Variants in LRRC36 observed in about 807,000 individuals in gnomAD.
LRRC36 encodes the protein leucine-rich repeat-containing protein 36.
Under a neutral mutation model 81.1 loss-of-function variants are expected in LRRC36, and 62 were observed. The ratio of observed to expected loss-of-function variants is 0.76; its 90% confidence interval spans 0.62 to 0.94. LRRC36 has a LOEUF of 0.94. Among genes scored for constraint, LRRC36 ranks in the 40% least tolerant of loss-of-function variants. The pLI is 0.00. For synonymous variants in LRRC36, 334 were observed against 348.6 expected, an observed-to-expected ratio of 0.96 and a Z score of 0.47; for missense variants, 761 against 881.7, an observed-to-expected ratio of 0.86 and a Z score of 1.73.
At position 67,382,143 on chromosome 16, in the gene LRRC36, G is replaced by A. The variant is rs1411032637; in HGVS notation, c.1941G>A (p.Leu647=). ...GQQSHTYDDL[L]HKNQQLTMQV... ...CTGTGCCCTTTGTAGATGATCTTCT[G>A]CACAAAAACCAACAGCTGACCATGC... is the stretch of plus-strand genomic sequence containing the variant. The change falls in exon 13 of 14, where the codon CTG becomes CTA. Residue 647 remains leucine (L), a synonymous_variant. Coordinates refer to ENST00000329956, the MANE Select transcript of LRRC36 (RefSeq NM_018296.6). 1.2e-6 allele frequency: 2 copies of A among 1,612,854 alleles called. No individual in the cohort carries two copies. Among genetic ancestry groups the A allele is most frequent in the Non-Finnish European group, 1.7e-6 (2 of 1,179,038 alleles).
chr16:67,361,992 A>G (rs1006917229), intron 5 of LRRC36, among the ~76,000 whole-genome samples: 7 of 152,142 alleles, frequency 4.6e-5, no homozygotes, highest in Non-Finnish European at 1.0e-4. Flanking sequence ...ACACTTTAGG[A>G]AGCCAAGGCT....
intron 2 of LRRC36, among the ~76,000 whole-genome samples, chr16:67,345,276 TGCACTCCA>T (rs1413296679): frequency 6.7e-6 from 1 of 149,214 alleles, no homozygotes; most frequent in African/African-American, 2.5e-5. Flanking sequence ...ATCGTACCAC[TGCACTCCA>T]GCCTGGGCGA....
At chr16:67,347,444 A>G in intron 3 of LRRC36, 51 bp from the exon 4 acceptor site, 3 of 1,607,980 alleles carry the variant, frequency 1.9e-6, no homozygotes, top group Non-Finnish European at 2.6e-6. Flanking sequence ...ACTACTAGTT[A>G]TGTCTATGCC....
chr16:67,334,636 C>T (rs2037669578), intron 1 of LRRC36, among the ~76,000 whole-genome samples: 1 of 152,068 alleles, frequency 6.6e-6, no homozygotes, highest in Non-Finnish European at 1.5e-5. Context: ...GTCGTGTCCA[C>T]CATTATAATA....
chr16:67,327,001 G>A, intron 1 of LRRC36, 69 bp downstream of exon 1: 1 of 1,398,440 alleles, frequency 7.2e-7, no homozygotes, highest in South Asian at 1.5e-5. Context: ...AAACTGAAGT[G>A]GAAGGCGGGG....
chr16:67,341,477 T>G, intron 1 of LRRC36, among the ~76,000 whole-genome samples: 1 of 151,780 alleles, frequency 6.6e-6, no homozygotes, highest in South Asian at 2.1e-4. Context: ...TAGTATATTG[T>G]CTTTCGTATC....
chr16:67,353,363 TTTTTA>T (rs1597459082), intron 5 of LRRC36, among the ~76,000 whole-genome samples: 1 of 152,068 alleles, frequency 6.6e-6, no homozygotes, highest in East Asian at 1.9e-4. Flanking sequence ...TCCATTTCTT[TTTTTA>T]TTTTTTGTTT....
At chr16:67,351,021 A>G (rs2038605802) in intron 5 of LRRC36, among the ~76,000 whole-genome samples, 1 of 152,168 alleles carries the variant, frequency 6.6e-6, no homozygotes, top group African/African-American at 2.4e-5. Context: ...CTAGGCAACA[A>G]AAGTGAAACT....
chr16:67,351,897 T>C lies in LRRC36; in HGVS notation c.577+1607T>C, dbSNP rs576776095. 5.9e-5 allele frequency among the ~76,000 whole-genome samples: 9 copies of C among 152,308 alleles called. No individual in the cohort carries two copies. In the South Asian group the frequency reaches 1.9e-3, roughly 32 times the overall value. Reference sequence around the variant, plus strand: ...AGACTGAAAAGCATGAAAAACAACATTTTGGTCCTAGTTAATGCTTTGGTA... The same window carrying C: ...AGACTGAAAAGCATGAAAAACAACACTTTGGTCCTAGTTAATGCTTTGGTA... On this transcript the variant is annotated intron_variant, in intron 5 of 13. Transcript: ENST00000329956.
chr16:67,380,673 C>T (rs2040074027), intron 12 of LRRC36, among the ~76,000 whole-genome samples: 1 of 152,226 alleles, frequency 6.6e-6, no homozygotes, highest in African/African-American at 2.4e-5. Flanking sequence ...TCTCCACTTA[C>T]CTACTTTGAA....
At chr16:67,338,246 C>A (rs2142605392) in intron 1 of LRRC36, among the ~76,000 whole-genome samples, 1 of 152,058 alleles carries the variant, frequency 6.6e-6, no homozygotes, top group South Asian at 2.1e-4. Context: ...ATAAATATTT[C>A]TATGAAAAAT....
chr16:67,368,712 G>A (rs1252151835), intron 8 of LRRC36, among the ~76,000 whole-genome samples: 1 of 152,176 alleles, frequency 6.6e-6, no homozygotes, highest in African/African-American at 2.4e-5. Context: ...AGACTATGGG[G>A]AGGAGGGTAG....
chr16:67,353,205 A>G (rs948509195), intron 5 of LRRC36, among the ~76,000 whole-genome samples: 7 of 151,938 alleles, frequency 4.6e-5, no homozygotes, highest in African/African-American at 1.7e-4. Flanking sequence ...CCTCTCCCTC[A>G]ACCCTAAACA....
chr16:67,365,562 AT>A (rs539996826), intron 7 of LRRC36, among the ~76,000 whole-genome samples: 1 of 151,266 alleles, frequency 6.6e-6, no homozygotes, highest in African/African-American at 2.4e-5. Context: ...TTTGTTCTTG[AT>A]TTTTTTTGCG....
intron 2 of LRRC36, among the ~76,000 whole-genome samples, chr16:67,345,403 G>A (rs2038296755): frequency 6.6e-6 from 1 of 151,962 alleles, no homozygotes; most frequent in Admixed American, 6.6e-5. Context: ...CAGCTAACTA[G>A]CTAAATACAT....
At chr16:67,369,300 G>A (rs1296194422) in intron 8 of LRRC36, among the ~76,000 whole-genome samples, 1 of 152,110 alleles carries the variant, frequency 6.6e-6, no homozygotes, top group Non-Finnish European at 1.5e-5. Context: ...GTAAGATAGA[G>A]GGGAAAAAGC....
intron 7 of LRRC36, 81 bp downstream of exon 7, chr16:67,365,436 T>C: frequency 3.3e-6 from 4 of 1,211,140 alleles, no homozygotes; most frequent in East Asian, 4.7e-5. Context: ...GAGATGAAGA[T>C]GTCTCAATAT....
At chr16:67,347,625 G>C (rs377456421) in intron 4 of LRRC36, 34 bp downstream of exon 4, 2 of 1,504,646 alleles carry the variant, frequency 1.3e-6, no homozygotes, top group African/African-American at 2.8e-5. Flanking sequence ...TTTAAAGTTT[G>C]GTTCTGGACA....
rs761846744 is a variant in LRRC36, at chr16:67,371,074, C to T, written c.1326C>T (p.Asn442=). ...GSVPNNAVLG[N]RTTPLRTLLL... ...TCCCAAACAACGCTGTCCTGGGAAACAGGACAACTCCTCTGCGGACACTGC... is the reference window on the plus strand; with the variant it reads ...TCCCAAACAACGCTGTCCTGGGAAATAGGACAACTCCTCTGCGGACACTGC... The change falls in exon 9 of 14, where the codon AAC becomes AAT. Residue 442 remains asparagine, a synonymous_variant. Coordinates refer to ENST00000329956, the MANE Select transcript of LRRC36 (RefSeq NM_018296.6). 77 of 1,614,096 alleles carry T rather than the reference C, an allele frequency of 4.8e-5. No individual in the cohort carries two copies. Among genetic ancestry groups the T allele is most frequent in the Non-Finnish European group, 6.4e-5 (75 of 1,180,060 alleles).
Sources: gnomAD v4.1 joint callset for allele counts (sites outside exome capture counted in the v4.1 genomes callset) on GRCh38, gnomAD v4.1.1 for gene constraint, MANE v1.5 for transcripts, NCBI Gene and HGNC (gene_info 2026-07-23, HGNC 2026-07-21) for gene names.